Variants in MFSD6 observed in about 807,000 individuals in gnomAD.
The protein encoded by MFSD6 is major facilitator superfamily domain-containing protein 6.
MFSD6 carries 26 observed loss-of-function variants against 56.3 expected under a neutral mutation model. That is an observed-to-expected ratio of 0.46 (90% confidence interval 0.34 to 0.64). MFSD6 has a LOEUF of 0.64. Among genes scored for constraint, MFSD6 ranks in the 30% least tolerant of loss-of-function variants. The probability of loss-of-function intolerance (pLI) is 0.01; values close to 1 mark genes in which losing one functional copy is unlikely to be tolerated. For synonymous variants in MFSD6, 331 were observed against 366.9 expected, an observed-to-expected ratio of 0.90 and a Z score of 1.12; for missense variants, 750 against 986.2, an observed-to-expected ratio of 0.76 and a Z score of 3.21.
chr2:190,420,726 CTTTA>C (rs1559102753), intron 2 of MFSD6, among the ~76,000 whole-genome samples: 3 of 152,108 alleles, frequency 2.0e-5, no homozygotes, highest in Non-Finnish European at 4.4e-5. Context: ...TGTGATTACA[CTTTA>C]TTTATTATGC....
At position 190,500,172 on chromosome 2, in the gene MFSD6, A is replaced by C. The variant is rs145686170; in HGVS notation, c.2330A>C (p.Glu777Ala). The change falls in exon 8 of 8, where the codon GAG (glutamate) becomes GCG (alanine). Residue 777 changes from glutamate (E) to alanine (A), a missense_variant. Physicochemically the swap from Glu to Ala is moderately radical, Grantham distance 107. Coordinates refer to ENST00000392328, the MANE Select transcript of MFSD6 (RefSeq NM_017694.4). The surrounding 1 kb of genome is among the most constrained non-coding windows in gnomAD (Gnocchi z 5.3). ...CACCCCAGTGTGGACCCGTGCACAG[A>C]GGAGAGTGAAGAGCAGCAGGCTCAG... ...PAHPSVDPCT[E>A]ESEEQQAQLA... 1.4e-3 allele frequency: 2,213 copies of C among 1,614,178 alleles called. 2 individuals are homozygous for C. Among genetic ancestry groups the C allele is most frequent in the Non-Finnish European group, 1.8e-3 (2,112 of 1,180,028 alleles).
In MFSD6 at chr2:190,431,077, C is replaced by T. The variant is rs577238325; in HGVS notation, c.-53-4900C>T. Reference sequence around the variant, plus strand: ...CTCACCTCCCAGACGGGGTCGCAGCCGGGCAGAGGCGCTCCTCACATCCCA... The same window carrying T: ...CTCACCTCCCAGACGGGGTCGCAGCTGGGCAGAGGCGCTCCTCACATCCCA... On this transcript the variant is annotated intron_variant, in intron 2 of 7. Transcript: ENST00000392328. This position sits in a 1 kb window ranked among gnomAD's most constrained non-coding sequence, Gnocchi z 4.4. Among the ~76,000 whole-genome samples the T allele has an allele frequency of 4.6e-5, 6 of 130,022 alleles. No individual in the cohort carries two copies. Among genetic ancestry groups the T allele is most frequent in the East Asian group, 4.5e-4 (2 of 4,414 alleles). The allele number at this position is 130,022 out of a possible 152,430, so 85.3% of individuals were successfully genotyped here.
At chr2:190,484,377 C>T (rs1457752104) in intron 4 of MFSD6, among the ~76,000 whole-genome samples, 1 of 152,180 alleles carries the variant, frequency 6.6e-6, no homozygotes, top group Admixed American at 6.5e-5. Flanking sequence ...TCATCTACTG[C>T]TTTTTCACAG....
rs1369837856 is a variant in MFSD6 at position 190,458,929 on chromosome 2, A to C, written c.1533-10829A>C. On this transcript the variant is annotated intron_variant, in intron 3 of 7. Coordinates refer to ENST00000392328, the MANE Select transcript of MFSD6 (RefSeq NM_017694.4). The surrounding 1 kb of genome is among the most constrained non-coding windows in gnomAD (Gnocchi z 5.3). ...GCAGCTCTAGGATCAAGTTCAGCTGAGAACAGAGAATCATGCTTAGTTTCT... is the reference window on the plus strand; with the variant it reads ...GCAGCTCTAGGATCAAGTTCAGCTGCGAACAGAGAATCATGCTTAGTTTCT... Among the ~76,000 whole-genome samples, 1 of 152,198 alleles carries C rather than the reference A, an allele frequency of 6.6e-6. No homozygotes were observed.
Position 190,502,267 on chromosome 2 carries a change from A to C in MFSD6, c.*2049A>C, listed in dbSNP as rs939039439. The C allele has an allele frequency of 2.6e-5, 4 of 152,188 alleles. No individual in the cohort carries two copies. Among genetic ancestry groups the C allele is most frequent in the African/African-American group, 9.7e-5 (4 of 41,446 alleles). The allele number at this position is 152,188 out of a possible 1,614,324, so 9.4% of individuals were successfully genotyped here. A position where few individuals can be genotyped will look rare whatever the true frequency, so the allele number is the denominator to read the frequency against. On this transcript the variant is annotated 3_prime_UTR_variant, in exon 8 of 8. Transcript: ENST00000392328. This position sits in a 1 kb window ranked among gnomAD's most constrained non-coding sequence, Gnocchi z 4.4. ...TTGTGACTTTTTCTTCCTGTCCCCA[A>C]AGTGCCATATGCTACCTTAAAAAAT...
intron 4 of MFSD6, among the ~76,000 whole-genome samples, chr2:190,483,835 CAAAAA>C (rs34089229): frequency 1.2e-5 from 1 of 86,680 alleles, no homozygotes; most frequent in African/African-American, 4.2e-5. Flanking sequence ...AACTCATTTT[CAAAAA>C]AAAAAAAAAA....
At chr2:190,445,963 C>T (rs1372391336) in intron 3 of MFSD6, among the ~76,000 whole-genome samples, 1 of 152,052 alleles carries the variant, frequency 6.6e-6, no homozygotes, top group East Asian at 1.9e-4. Flanking sequence ...GAGATATAGC[C>T]TGTATTAAAC....
rs1489748280 is a variant in MFSD6, at chr2:190,500,206, G to A, written c.2364G>A (p.Ala788=). ...ESEEQQAQLA[A]GGH Reference sequence around the variant, plus strand: ...AAGAGCAGCAGGCTCAGCTGGCCGCGGGAGGACACTGAGGGCATCCTGCTC... The same window carrying A: ...AAGAGCAGCAGGCTCAGCTGGCCGCAGGAGGACACTGAGGGCATCCTGCTC... The change falls in exon 8 of 8, where the codon GCG becomes GCA. Residue 788 remains alanine, a synonymous_variant. Coordinates refer to ENST00000392328, the MANE Select transcript of MFSD6 (RefSeq NM_017694.4). The surrounding 1 kb of genome is among the most constrained non-coding windows in gnomAD (Gnocchi z 5.3). 13 of 1,614,000 alleles carry A rather than the reference G, an allele frequency of 8.1e-6. No homozygotes were observed. Among genetic ancestry groups the A allele is most frequent in the Non-Finnish European group, 1.1e-5 (13 of 1,180,030 alleles).
Position 190,487,075 on chromosome 2 carries a change from CA to C in MFSD6, c.1631-1581del, listed in dbSNP as rs1458697176. Among the ~76,000 whole-genome samples the C allele has an allele frequency of 6.6e-6, 1 of 152,158 alleles. No individual in the cohort carries two copies. Among genetic ancestry groups the C allele is most frequent in the African/African-American group, 2.4e-5 (1 of 41,432 alleles). On this transcript the variant is annotated intron_variant, in intron 4 of 7. Transcript: ENST00000392328. This position sits in a 1 kb window ranked among gnomAD's most constrained non-coding sequence, Gnocchi z 5.5. ...ATATATTAAGAAGCATGGCTGGGTG[CA>C]GTGGCTCACTAATCCCAGCACTTTG...
Position 190,457,219 on chromosome 2 carries a change from G to T in MFSD6, c.1533-12539G>T, listed in dbSNP as rs576357336. 2.0e-5 allele frequency among the ~76,000 whole-genome samples: 3 copies of T among 152,292 alleles called. No individual in the cohort carries two copies. Among genetic ancestry groups the T allele is most frequent in the Non-Finnish European group, 1.5e-5 (1 of 68,032 alleles). Reference sequence around the variant, plus strand: ...GGTCTGGCAGGGGGATGGGGACCTTGACTTCCACTGGCCAACCGACTTTGT... The same window carrying T: ...GGTCTGGCAGGGGGATGGGGACCTTTACTTCCACTGGCCAACCGACTTTGT... On this transcript the variant is annotated intron_variant, in intron 3 of 7. Coordinates refer to ENST00000392328, the MANE Select transcript of MFSD6 (RefSeq NM_017694.4). The surrounding 1 kb of genome is among the most constrained non-coding windows in gnomAD (Gnocchi z 5.1).
rs780858908 is a variant in MFSD6, at chr2:190,438,802, C to G, written c.1532+1241C>G. On this transcript the variant is annotated intron_variant, in intron 3 of 7. Coordinates refer to ENST00000392328, the MANE Select transcript of MFSD6 (RefSeq NM_017694.4). This position sits in a 1 kb window ranked among gnomAD's most constrained non-coding sequence, Gnocchi z 5.2. ...TAGACAATGACAAGATTTGACAATC[C>G]TTTATTTCCTTTCTATTAACTGAAG... is the stretch of plus-strand genomic sequence containing the variant. 9.9e-5 allele frequency among the ~76,000 whole-genome samples: 15 copies of G among 152,270 alleles called. No individual in the cohort carries two copies. Among genetic ancestry groups the G allele is most frequent in the Non-Finnish European group, 1.9e-4 (13 of 68,014 alleles).
Position 190,439,456 on chromosome 2 carries a change from C to T in MFSD6, c.1532+1895C>T, listed in dbSNP as rs1433019043. Among the ~76,000 whole-genome samples, 1 of 151,976 alleles carries T rather than the reference C, an allele frequency of 6.6e-6. No homozygotes were observed. The highest frequency in any genetic ancestry group is 2.4e-5 in the African/African-American group (1 of 41,380). Reference sequence around the variant, plus strand: ...CATGTGTATAGATAGGTTCTATTTTCAAAGGAATTGTTAGGTTATTTCCAC... The same window carrying T: ...CATGTGTATAGATAGGTTCTATTTTTAAAGGAATTGTTAGGTTATTTCCAC... On this transcript the variant is annotated intron_variant, in intron 3 of 7. Transcript: ENST00000392328. The surrounding 1 kb of genome is among the most constrained non-coding windows in gnomAD (Gnocchi z 5.8).
chr2:190,476,226 G>C (rs1688297947), intron 4 of MFSD6, among the ~76,000 whole-genome samples: 1 of 151,752 alleles, frequency 6.6e-6, no homozygotes, highest in Non-Finnish European at 1.5e-5. Context: ...TCTAATTAAA[G>C]AGCTTCTGCA....
chr2:190,471,807 G>C lies in MFSD6; in HGVS notation c.1630+1952G>C, dbSNP rs1687950632. ...AGACTGCCTCCTCAAGTGGGTCCCT[G>C]ACCCGCAAGTAGCCTAACTGGGAGG... On this transcript the variant is annotated intron_variant, in intron 4 of 7. Coordinates refer to ENST00000392328, the MANE Select transcript of MFSD6 (RefSeq NM_017694.4). This position sits in a 1 kb window ranked among gnomAD's most constrained non-coding sequence, Gnocchi z 4.7. Among the ~76,000 whole-genome samples the C allele has an allele frequency of 6.6e-6, 1 of 152,196 alleles. No individual in the cohort carries two copies. Among genetic ancestry groups the C allele is most frequent in the Non-Finnish European group, 1.5e-5 (1 of 68,030 alleles).
intron 4 of MFSD6, among the ~76,000 whole-genome samples, chr2:190,474,714 T>A (rs1161027443): frequency 6.6e-6 from 1 of 152,228 alleles, no homozygotes; most frequent in Non-Finnish European, 1.5e-5. Context: ...TAACTCATTT[T>A]ATGAGGCCAG....
In MFSD6 at chr2:190,439,521, G is replaced by A. The variant is rs916016830; in HGVS notation, c.1532+1960G>A. Among the ~76,000 whole-genome samples the A allele has an allele frequency of 3.6e-4, 55 of 152,126 alleles. No homozygotes were observed. The highest frequency in any genetic ancestry group is 1.3e-3 in the African/African-American group (54 of 41,412). ...TGGTTCTCTTCTACCTTTGCCTTTT[G>A]TCTGAGACATATGCAGCATTTTCAT... On this transcript the variant is annotated intron_variant, in intron 3 of 7. Transcript: ENST00000392328. This position sits in a 1 kb window ranked among gnomAD's most constrained non-coding sequence, Gnocchi z 5.8.
At chr2:190,422,673 T>G (rs1054440313) in intron 2 of MFSD6, among the ~76,000 whole-genome samples, 1 of 152,204 alleles carries the variant, frequency 6.6e-6, no homozygotes, top group African/African-American at 2.4e-5. Context: ...TGATGTGCTT[T>G]GGCTTGTGTC....
Position 190,488,031 on chromosome 2 carries a change from T to C in MFSD6, c.1631-626T>C, listed in dbSNP as rs1014334914. On this transcript the variant is annotated intron_variant, in intron 4 of 7. Coordinates refer to ENST00000392328, the MANE Select transcript of MFSD6 (RefSeq NM_017694.4). This position sits in a 1 kb window ranked among gnomAD's most constrained non-coding sequence, Gnocchi z 6.4. ...GATTCCACTGCCTCAGCCTCCCGAG[T>C]AGCTGGGACTATAGGCGTGCACCAC... is the stretch of plus-strand genomic sequence containing the variant. Among the ~76,000 whole-genome samples the C allele has an allele frequency of 7.2e-5, 11 of 152,060 alleles. No individual in the cohort carries two copies. Among genetic ancestry groups the C allele is most frequent in the Non-Finnish European group, 1.6e-4 (11 of 68,004 alleles).
rs1553520729 is a variant in MFSD6 at position 190,469,733 on chromosome 2, A to ATTTTAAT, written c.1533-21_1533-20insAATTTTT. On this transcript the variant is annotated intron_variant, in intron 3 of 7. Coordinates refer to ENST00000392328, the MANE Select transcript of MFSD6 (RefSeq NM_017694.4). This position sits in a 1 kb window ranked among gnomAD's most constrained non-coding sequence, Gnocchi z 5.3. ...ATTTTCCTTTGCTTTTTTTTATTTTATTTTTATTTTTTATTTTTTTTTAGG... is the reference window on the plus strand; with the variant it reads ...ATTTTCCTTTGCTTTTTTTTATTTTATTTTAATTTTTTATTTTTTATTTTTTTTTAGG... The ATTTTAAT allele has an allele frequency of 7.1e-6, 8 of 1,122,570 alleles. No individual in the cohort carries two copies. The highest frequency in any genetic ancestry group is 9.5e-6 in the Non-Finnish European group (8 of 840,874). The allele number at this position is 1,122,570 out of a possible 1,614,324, so 69.5% of individuals were successfully genotyped here.
Sources: gnomAD v4.1 joint callset for allele counts (sites outside exome capture counted in the v4.1 genomes callset) on GRCh38, gnomAD v4.1.1 for gene constraint, Gnocchi (gnomAD v3.1) non-coding constraint, MANE v1.5 for transcripts, NCBI Gene and HGNC (gene_info 2026-07-23, HGNC 2026-07-21) for gene names.